Variants in ATG4C observed in about 807,000 individuals in gnomAD.
ATG4C encodes the protein cysteine protease ATG4C.
Under a neutral mutation model 57.6 loss-of-function variants are expected in ATG4C, and 56 were observed. The ratio of observed to expected loss-of-function variants is 0.97; its 90% CI spans 0.78 to 1.21. The LOEUF (loss-of-function observed/expected upper bound fraction) is 1.21, where lower values mean the gene tolerates loss of function less well. Among genes scored for constraint, ATG4C ranks in the 50% most tolerant of loss-of-function variants. The pLI, the probability that ATG4C is intolerant of heterozygous loss-of-function variation, is 0.00. For missense variants in ATG4C, 595 were observed against 529.8 expected (o/e 1.12, Z -1.21); for synonymous variants, 157 against 174.1 (o/e 0.90, Z 0.78).
At chr1:62,856,506 C>T (rs1255130867) in intron 10 of ATG4C, among the ~76,000 whole-genome samples, 1 of 152,170 alleles carries the variant, frequency 6.6e-6, no homozygotes, top group East Asian at 1.9e-4. Context: ...TGCACAACAA[C>T]TCTGTGAGAT....
chr1:62,829,176 G>A lies in ATG4C; in HGVS notation c.933G>A (p.Lys311=), dbSNP rs1419407802. Residue 311 remains lysine, a splice_region_variant and synonymous_variant, in exon 7 of 11, where the codon AAG becomes AAA. Coordinates refer to ENST00000317868, the MANE Select transcript of ATG4C (RefSeq NM_032852.4). ...RTNTDYLEFV[K]GILSLEYCVG... ...ACACCGACTACTTAGAATTTGTGAA[G>A]GTATGAAATAAGTGCTGAACTTTTT... 1.2e-6 allele frequency: 2 copies of A among 1,611,778 alleles called. No homozygotes were observed. Among genetic ancestry groups the A allele is most frequent in the East Asian group, 4.5e-5 (2 of 44,746 alleles).
intron 6 of ATG4C, among the ~76,000 whole-genome samples, chr1:62,823,868 A>C (rs1001922574): frequency 6.6e-6 from 1 of 152,172 alleles, no homozygotes; most frequent in Non-Finnish European, 1.5e-5. Context: ...GAACACGCAC[A>C]AAGGTTATAC....
intron 10 of ATG4C, among the ~76,000 whole-genome samples, chr1:62,853,485 T>C (rs536831726): frequency 2.0e-5 from 3 of 152,236 alleles, no homozygotes; most frequent in Non-Finnish European, 4.4e-5. Context: ...CTTGCTATGT[T>C]GCCCAGGCTG....
chr1:62,813,395 A>G lies in ATG4C; in HGVS notation c.161-3180A>G, dbSNP rs926928508. Among the ~76,000 whole-genome samples, 6 of 152,236 alleles carry G rather than the reference A, an allele frequency of 3.9e-5. No individual in the cohort carries two copies. The South Asian group carries it at 1.2e-3, about 31-fold the overall frequency. On this transcript the variant is annotated intron_variant, in intron 3 of 10. Transcript: ENST00000317868. The stretch of plus-strand genomic sequence containing the variant: ...ATGGTGCTGGGAAAACTGGCTAGCC[A>G]TATGCAGAAAACTGAAACTGGAACC...
chr1:62,787,095 C>T (rs6587988), intron 1 of ATG4C, among the ~76,000 whole-genome samples: 37,868 of 151,916 alleles, frequency 0.25, 6,579 homozygotes, highest in African/African-American at 0.49. Flanking sequence ...TAGAGAACAT[C>T]GAAAGAGGAC....
intron 10 of ATG4C, among the ~76,000 whole-genome samples, chr1:62,852,751 T>G (rs1572173073): frequency 4.1e-5 from 1 of 24,588 alleles, no homozygotes. Context: ...TTTTTACCTA[T>G]TTTTTTTTTT....
At chr1:62,815,975 G>A (rs1037082919) in intron 3 of ATG4C, among the ~76,000 whole-genome samples, 36 of 152,032 alleles carry the variant, frequency 2.4e-4, no homozygotes, top group African/African-American at 8.0e-4. Context: ...GTGAGCCACC[G>A]CGCCCAGCCA....
At chr1:62,843,585 A>C (rs1487312455) in intron 10 of ATG4C, among the ~76,000 whole-genome samples, 1 of 152,128 alleles carries the variant, frequency 6.6e-6, no homozygotes, top group Non-Finnish European at 1.5e-5. Flanking sequence ...CATTTTGAAA[A>C]TGAAGCTGGT....
chr1:62,798,450 G>C (rs577872540), intron 1 of ATG4C, among the ~76,000 whole-genome samples: 7 of 152,182 alleles, frequency 4.6e-5, no homozygotes, highest in African/African-American at 1.7e-4. Context: ...AATTTAAATA[G>C]TACTAAACTT....
At chr1:62,819,572 G>A (rs1445017183) in intron 5 of ATG4C, among the ~76,000 whole-genome samples, 3 of 151,862 alleles carry the variant, frequency 2.0e-5, no homozygotes, top group Admixed American at 6.6e-5. Context: ...GACATCCCAG[G>A]TCTCTTTCTA....
intron 1 of ATG4C, among the ~76,000 whole-genome samples, chr1:62,785,892 A>T (rs976215261): frequency 1.3e-5 from 2 of 152,178 alleles, no homozygotes; most frequent in African/African-American, 4.8e-5. Context: ...TATTGAAAAA[A>T]ATGATACGGT....
intron 9 of ATG4C, chr1:62,835,436 A>G (rs1346750330): frequency 9.1e-6 from 3 of 331,020 alleles, no homozygotes; most frequent in Non-Finnish European, 1.8e-5. Flanking sequence ...GAATACATAA[A>G]TGAAACATGT....
intron 3 of ATG4C, among the ~76,000 whole-genome samples, chr1:62,809,443 AT>A (rs1443349342): frequency 6.8e-6 from 1 of 147,788 alleles, no homozygotes; most frequent in East Asian, 1.9e-4. Flanking sequence ...AAAAATACAT[AT>A]GTATATGTAC....
intron 1 of ATG4C, among the ~76,000 whole-genome samples, chr1:62,799,061 G>T (rs888520327): frequency 1.3e-5 from 2 of 151,982 alleles, no homozygotes; most frequent in Non-Finnish European, 2.9e-5. Flanking sequence ...AGCTGGGACT[G>T]TAGGCACACG....
At chr1:62,831,793 T>C (rs939110376) in intron 7 of ATG4C, among the ~76,000 whole-genome samples, 4 of 152,222 alleles carry the variant, frequency 2.6e-5, no homozygotes, top group Non-Finnish European at 5.9e-5. Flanking sequence ...TAGCTCCTAA[T>C]CTGCTTCTAA....
intron 9 of ATG4C, among the ~76,000 whole-genome samples, chr1:62,837,955 T>G (rs910811301): frequency 2.6e-5 from 4 of 152,154 alleles, no homozygotes; most frequent in Non-Finnish European, 5.9e-5. Context: ...CATACCCGGT[T>G]AATTATCAGT....
Position 62,816,653 on chromosome 1 carries a change from G to T in ATG4C, c.239G>T (p.Arg80Leu). The change falls in exon 4 of 11, where the codon CGT becomes CTT. Residue 80 changes from arginine to leucine, a missense_variant. Transcript: ENST00000317868. ...HVIAGNVEEF[R>L]KDFISRIWLT... ...ATTGCAGGAAATGTAGAAGAATTTC[G>T]TAAAGATTTCATTTCTAGAATATGG... The T allele has an allele frequency of 3.1e-6, 5 of 1,613,758 alleles. No individual in the cohort carries two copies. Among genetic ancestry groups the T allele is most frequent in the Non-Finnish European group, 4.2e-6 (5 of 1,179,796 alleles).
intron 6 of ATG4C, among the ~76,000 whole-genome samples, chr1:62,821,995 T>C (rs1665497926): frequency 6.6e-6 from 1 of 152,114 alleles, no homozygotes. Context: ...GTTTTAGATT[T>C]TGGATTAGGA....
At chr1:62,828,995 C>T (rs1455437980) in intron 6 of ATG4C, 45 bp from the exon 7 acceptor site, 6 of 1,520,280 alleles carry the variant, frequency 3.9e-6, no homozygotes, top group South Asian at 3.7e-5. Flanking sequence ...TTCTGAAAAT[C>T]GCTTTTATAT....
Sources: gnomAD v4.1 joint callset for allele counts (sites outside exome capture counted in the v4.1 genomes callset) on GRCh38, gnomAD v4.1.1 for gene constraint, MANE v1.5 for transcripts, NCBI Gene and HGNC (gene_info 2026-07-23, HGNC 2026-07-21) for gene names.